The following TMEM132C variants were observed in gnomAD, a reference collection of about 807,000 sequenced individuals.
TMEM132C encodes the protein protein phosphatase 1, regulatory subunit 152.
A neutral mutation model predicts 61.4 loss-of-function variants in TMEM132C; 29 were observed. The ratio of observed to expected loss-of-function variants is 0.47; its 90% CI spans 0.35 to 0.64. The LOEUF (loss-of-function observed/expected upper bound fraction) is 0.64. Ranked by LOEUF, TMEM132C falls within the 30% of genes least tolerant of loss-of-function variation. The probability of loss-of-function intolerance (pLI) is 0.00; values close to 1 mark genes in which losing one functional copy is unlikely to be tolerated. For missense variants in TMEM132C, 1,408 were observed against 1,476.9 expected, an observed-to-expected ratio of 0.95 and a Z score of 0.76; for synonymous variants, 656 against 633.1, an observed-to-expected ratio of 1.04 and a Z score of -0.54.
intron 3 of TMEM132C, among the ~76,000 whole-genome samples, chr12:128,585,749 G>T (rs904007239): frequency 3.3e-5 from 5 of 152,234 alleles, no homozygotes; most frequent in Admixed American, 1.3e-4. Flanking sequence ...CGGCATGGAA[G>T]AACCTTGAGG....
intron 5 of TMEM132C, among the ~76,000 whole-genome samples, chr12:128,680,179 T>C (rs1224792418): frequency 6.6e-6 from 1 of 152,206 alleles, no homozygotes; most frequent in East Asian, 1.9e-4. Context: ...AATATGACAC[T>C]GCAGGGTATT....
intron 1 of TMEM132C, among the ~76,000 whole-genome samples, chr12:128,322,052 AAG>A (rs1872352401): frequency 1.3e-5 from 2 of 152,218 alleles, no homozygotes; most frequent in South Asian, 4.1e-4. Flanking sequence ...ACTTCTCAAT[AAG>A]AGATAGAAAC....
At position 128,622,353 on chromosome 12, in the gene TMEM132C, AAAAAAAAATATATATATAT is replaced by A. The variant is rs1204141061; in HGVS notation, c.1305+6020_1305+6038del. Reference sequence around the variant, plus strand: ...AGTGAGACTTTGTCTCAAAAAAAAAAAAAAAAAATATATATATATATATATATATATATATATATATATA... The same window carrying A: ...AGTGAGACTTTGTCTCAAAAAAAAAAATATATATATATATATATATATATA... On this transcript the variant is annotated intron_variant, in intron 4 of 8. Transcript: ENST00000435159. Among the ~76,000 whole-genome samples, 67 of 65,396 alleles carry A rather than the reference AAAAAAAAATATATATATAT, an allele frequency of 1.0e-3. 4 individuals carry two copies. The highest frequency in any genetic ancestry group is 5.1e-3 in the African/African-American group (66 of 12,830). The allele number at this position is 65,396 out of a possible 152,430, so 42.9% of individuals were successfully genotyped here.
intron 1 of TMEM132C, among the ~76,000 whole-genome samples, chr12:128,384,247 G>A (rs533010752): frequency 6.6e-6 from 1 of 152,252 alleles, no homozygotes; most frequent in East Asian, 1.9e-4. Context: ...GGTTTGGGAG[G>A]TGGTGAGCAT....
intron 2 of TMEM132C, among the ~76,000 whole-genome samples, chr12:128,511,943 G>T (rs1321788072): frequency 6.6e-6 from 1 of 152,114 alleles, no homozygotes; most frequent in Non-Finnish European, 1.5e-5. Flanking sequence ...TCCCCATATG[G>T]TTGTATCTGC....
At chr12:128,665,244 C>T (rs1413458091) in intron 4 of TMEM132C, among the ~76,000 whole-genome samples, 2 of 149,436 alleles carry the variant, frequency 1.3e-5, no homozygotes, top group African/African-American at 5.0e-5. Flanking sequence ...GGCTCGCACA[C>T]ACATAGGCAC....
At chr12:128,408,908 G>GAGGA in intron 1 of TMEM132C, among the ~76,000 whole-genome samples, 1 of 152,302 alleles carries the variant, frequency 6.6e-6, no homozygotes, top group South Asian at 2.1e-4. Context: ...GGTCCTTCCA[G>GAGGA]AGGACAGCAG....
chr12:128,361,261 T>C (rs1030005932), intron 1 of TMEM132C, among the ~76,000 whole-genome samples: 10 of 152,138 alleles, frequency 6.6e-5, no homozygotes, highest in Non-Finnish European at 1.3e-4. Flanking sequence ...GCAGAGAGAT[T>C]GTGGGTGGAT....
intron 3 of TMEM132C, among the ~76,000 whole-genome samples, chr12:128,598,620 C>G (rs897565367): frequency 6.6e-6 from 1 of 152,172 alleles, no homozygotes; most frequent in Middle Eastern, 3.4e-3. Context: ...TCTTCACTCC[C>G]AATGGCCCCT....
chr12:128,414,735 T>A lies in TMEM132C; in HGVS notation c.89T>A (p.Ile30Lys), dbSNP rs1264909787. 6.6e-7 allele frequency: 1 copy of A among 1,517,470 alleles called. No individual in the cohort carries two copies. Among genetic ancestry groups the A allele is most frequent in the Non-Finnish European group, 8.8e-7 (1 of 1,135,560 alleles). 94.0% of individuals were successfully genotyped at this position (1,517,470 alleles called of 1,614,324 possible). Residue 30 changes from isoleucine to lysine, a missense_variant, in exon 2 of 9, where the codon ATA becomes AAA. Physicochemically the swap from Ile to Lys is moderately radical, Grantham distance 102 (BLOSUM62 -3). Coordinates refer to ENST00000435159, the MANE Select transcript of TMEM132C (RefSeq NM_001136103.3). Reference sequence around the variant, plus strand: ...TTCTTTCTTTTTCCCTTTTTAGTGATAGAGGGTCACGGGGTCACAGACAAC... The same window carrying A: ...TTCTTTCTTTTTCCCTTTTTAGTGAAAGAGGGTCACGGGGTCACAGACAAC... ...LLLGALLGKV[I>K]EGHGVTDNIQ...
chr12:128,389,159 A>G (rs569898098), intron 1 of TMEM132C, among the ~76,000 whole-genome samples: 1 of 152,294 alleles, frequency 6.6e-6, no homozygotes, highest in Admixed American at 6.5e-5. Flanking sequence ...TCATTCATTC[A>G]TTCATTCATT....
At position 128,405,694 on chromosome 12, in the gene TMEM132C, A is replaced by T. The variant is rs372901915; in HGVS notation, c.86-9038A>T. On this transcript the variant is annotated intron_variant, in intron 1 of 8. Coordinates refer to ENST00000435159, the MANE Select transcript of TMEM132C (RefSeq NM_001136103.3). The stretch of plus-strand genomic sequence containing the variant: ...TTAAACAGAACTATTCATTTATATT[A>T]GTACATTATTTATTACAATTTTAAT... 1.2e-4 allele frequency among the ~76,000 whole-genome samples: 18 copies of T among 152,350 alleles called. No homozygotes were observed. The East Asian group carries it at 3.5e-3, about 29-fold the overall frequency.
At position 128,705,749 on chromosome 12, in the gene TMEM132C, G is replaced by A. The variant is rs1954834315; in HGVS notation, c.2781G>A (p.Met927Ile). 6.4e-7 allele frequency: 1 copy of A among 1,551,412 alleles called. No individual in the cohort carries two copies. Residue 927 changes from methionine to isoleucine, a missense_variant, in exon 9 of 9, where the codon ATG becomes ATA. Coordinates refer to ENST00000435159, the MANE Select transcript of TMEM132C (RefSeq NM_001136103.3). The part of the protein sequence containing the change: ...PRGLSDLEIG[M>I]YALLGVFCLA... The stretch of plus-strand genomic sequence containing the variant: ...GCCTGAGTGATCTGGAGATAGGGAT[G>A]TACGCCCTCCTGGGGGTGTTCTGCC...
chr12:128,593,178 C>G (rs1168130966), intron 3 of TMEM132C, among the ~76,000 whole-genome samples: 1 of 150,568 alleles, frequency 6.6e-6, no homozygotes, highest in Non-Finnish European at 1.5e-5. Context: ...CTTTCTCTCT[C>G]TTCCCCTCTC....
intron 2 of TMEM132C, among the ~76,000 whole-genome samples, chr12:128,537,472 A>G (rs1454058916): frequency 6.6e-6 from 1 of 152,144 alleles, no homozygotes; most frequent in African/African-American, 2.4e-5. Context: ...TCCTTGGCCA[A>G]GAGAGGGTCC....
chr12:128,399,885 GT>G, intron 1 of TMEM132C: 1 of 152,256 alleles, frequency 6.6e-6, no homozygotes, highest in South Asian at 2.1e-4. Context: ...TAAAAGTAAA[GT>G]TTTATTAGAA....
chr12:128,680,279 G>A (rs574392899), intron 5 of TMEM132C, among the ~76,000 whole-genome samples: 1 of 152,178 alleles, frequency 6.6e-6, no homozygotes, highest in Non-Finnish European at 1.5e-5. Flanking sequence ...TTCAGGCCCA[G>A]AGAAGCTGAG....
chr12:128,291,625 A>G (rs576883936), intron 1 of TMEM132C, among the ~76,000 whole-genome samples: 7 of 152,200 alleles, frequency 4.6e-5, no homozygotes, highest in Non-Finnish European at 1.0e-4. Flanking sequence ...ACTCAGGGAT[A>G]TGCCCTGGAG....
intron 1 of TMEM132C, among the ~76,000 whole-genome samples, chr12:128,412,224 T>C (rs1311429377): frequency 6.6e-6 from 1 of 152,202 alleles, no homozygotes; most frequent in Admixed American, 6.5e-5. Context: ...GTTGATATTA[T>C]TATCATATGT....
Sources: gnomAD v4.1 joint callset for allele counts (sites outside exome capture counted in the v4.1 genomes callset) on GRCh38, gnomAD v4.1.1 for gene constraint, MANE v1.5 for transcripts, NCBI Gene and HGNC (gene_info 2026-07-23, HGNC 2026-07-21) for gene names.